Variants in VWA8 observed in about 807,000 individuals in gnomAD.
VWA8 encodes the protein von Willebrand factor A domain-containing protein 8.
A neutral mutation model predicts 241.5 loss-of-function variants in VWA8; 221 were observed. The observed-to-expected ratio is 0.91, with a 90% confidence interval of 0.82 to 1.02. The LOEUF is 1.02. Ranked by LOEUF, VWA8 falls within the 50% of genes least tolerant of loss-of-function variation. VWA8 has a pLI of 0.00. For synonymous variants in VWA8, 852 were observed against 827.1 expected (o/e 1.03, Z -0.52); for missense variants, 2,322 against 2,328.7 (o/e 1.00, Z 0.06).
intron 37 of VWA8, among the ~76,000 whole-genome samples, chr13:41,637,171 C>A (rs2044763580): frequency 6.6e-6 from 1 of 151,490 alleles, no homozygotes; most frequent in Admixed American, 6.6e-5. Flanking sequence ...CCCAAATGTC[C>A]AACAACGATA....
intron 21 of VWA8, among the ~76,000 whole-genome samples, chr13:41,755,875 G>A (rs1474984367): frequency 6.6e-6 from 1 of 151,718 alleles, no homozygotes; most frequent in Non-Finnish European, 1.5e-5. Context: ...ATACTATAAA[G>A]ATTGAAAATC....
chr13:41,674,607 AG>A (rs2045047310), intron 36 of VWA8, among the ~76,000 whole-genome samples: 1 of 152,222 alleles, frequency 6.6e-6, no homozygotes, highest in South Asian at 2.1e-4. Context: ...GACGGGCTCC[AG>A]GTGATGATGC....
chr13:41,648,468 T>A (rs1323086178), intron 37 of VWA8, among the ~76,000 whole-genome samples: 1 of 152,196 alleles, frequency 6.6e-6, no homozygotes, highest in Non-Finnish European at 1.5e-5. Context: ...ACTCAAAGGA[T>A]GAGGAAGTAT....
Position 41,773,910 on chromosome 13 carries a change from A to T in VWA8, c.2349+4075T>A, listed in dbSNP as rs77772539. ...CCAGTCTCTGATCCTGTCATTATAG[A>T]ACTATATCCAGTTGAATGGGCTACT... On this transcript the variant is annotated intron_variant, in intron 20 of 44. Coordinates refer to ENST00000379310, the MANE Select transcript of VWA8 (RefSeq NM_015058.2). Among the ~76,000 whole-genome samples, 239 of 152,260 alleles carry T rather than the reference A, an allele frequency of 1.6e-3. 1 individual carries two copies. The highest frequency in any genetic ancestry group is 5.4e-3 in the African/African-American group (224 of 41,540).
intron 19 of VWA8, among the ~76,000 whole-genome samples, chr13:41,779,890 C>T (rs1257335050): frequency 6.6e-6 from 1 of 152,174 alleles, no homozygotes; most frequent in African/African-American, 2.4e-5. Context: ...TTCAAGTCAA[C>T]AAACCTTAGC....
intron 12 of VWA8, chr13:41,864,668 A>G (rs568907830): frequency 3.8e-5 from 16 of 420,974 alleles, no homozygotes; most frequent in Non-Finnish European, 7.0e-5. Flanking sequence ...CCAGGGTCTG[A>G]GAGGGAAAGA....
intron 42 of VWA8, among the ~76,000 whole-genome samples, chr13:41,583,513 C>T (rs1345784191): frequency 1.3e-5 from 2 of 151,886 alleles, no homozygotes; most frequent in Non-Finnish European, 2.9e-5. Flanking sequence ...CGTGGTGGCA[C>T]ATGCCTGTAG....
intron 12 of VWA8, among the ~76,000 whole-genome samples, chr13:41,855,407 A>C (rs887584952): frequency 6.8e-6 from 1 of 146,898 alleles, no homozygotes; most frequent in Non-Finnish European, 1.5e-5. Flanking sequence ...TATATATATG[A>C]AGTAGAAGAA....
intron 40 of VWA8, among the ~76,000 whole-genome samples, chr13:41,599,253 G>A (rs2044506969): frequency 6.6e-6 from 1 of 152,030 alleles, no homozygotes; most frequent in South Asian, 2.1e-4. Context: ...TACTTTTCAT[G>A]TAGATTTGAG....
chr13:41,847,205 C>A (rs1872327575), intron 12 of VWA8, among the ~76,000 whole-genome samples: 1 of 150,948 alleles, frequency 6.6e-6, no homozygotes, highest in African/African-American at 2.4e-5. Flanking sequence ...TGGGAATGAA[C>A]AAAAATAGAT....
rs79494294 is a variant in VWA8 at position 41,722,765 on chromosome 13, T to C, written c.2759-1190A>G. 2.0e-3 allele frequency among the ~76,000 whole-genome samples: 307 copies of C among 152,156 alleles called. 13 individuals carry two copies. The East Asian group carries it at 0.054, about 27-fold the overall frequency. The stretch of plus-strand genomic sequence containing the variant: ...AATGTTGATACCTGGGGGAAGAGCA[T>C]TCCAGGCAGCTGGTACAGCTAATCC... On this transcript the variant is annotated intron_variant, in intron 24 of 44. Transcript: ENST00000379310.
chr13:41,847,776 G>A (rs1872353722), intron 12 of VWA8, among the ~76,000 whole-genome samples: 1 of 152,056 alleles, frequency 6.6e-6, no homozygotes, highest in Non-Finnish European at 1.5e-5. Flanking sequence ...ATGATGGGAG[G>A]CCATTGACAG....
chr13:41,644,791 G>T (rs1247984533), intron 37 of VWA8, among the ~76,000 whole-genome samples: 3 of 152,214 alleles, frequency 2.0e-5, no homozygotes, highest in Non-Finnish European at 4.4e-5. Context: ...TTTACTATAA[G>T]GAGTGTTTTG....
intron 21 of VWA8, among the ~76,000 whole-genome samples, chr13:41,742,982 T>G (rs1376956769): frequency 1.3e-5 from 2 of 152,194 alleles, no homozygotes; most frequent in Non-Finnish European, 2.9e-5. Flanking sequence ...TTGATTTTCA[T>G]TTTGAAGATA....
chr13:41,685,214 C>T lies in VWA8; in HGVS notation c.4160G>A (p.Arg1387Lys), dbSNP rs768713345. 3 of 1,612,858 alleles carry T rather than the reference C, an allele frequency of 1.9e-6. No homozygotes were observed. In the South Asian group the frequency reaches 3.3e-5, roughly 18 times the overall value. ...MSPSEVYSWKRPSSLHKRSGT... is the reference protein window; with the variant it reads ...MSPSEVYSWKKPSSLHKRSGT... ...ACTTCGTTTATGCAAAGATGATGGTCTCTTCCAAGAATAAACTTCACTGGG... is the reference window on the plus strand; with the variant it reads ...ACTTCGTTTATGCAAAGATGATGGTTTCTTCCAAGAATAAACTTCACTGGG... Residue 1387 changes from arginine (R) to lysine (K), a missense_variant, in exon 35 of 45, where the codon AGA becomes AAA. Physicochemically the swap from Arg to Lys is conservative, Grantham distance 26. Transcript: ENST00000379310.
intron 12 of VWA8, among the ~76,000 whole-genome samples, chr13:41,844,289 A>C (rs1234657668): frequency 6.6e-6 from 1 of 152,150 alleles, no homozygotes; most frequent in East Asian, 1.9e-4. Context: ...TCCAACATCC[A>C]TTTAAGATAA....
chr13:41,826,739 C>T (rs1871185411), intron 14 of VWA8, among the ~76,000 whole-genome samples: 1 of 151,788 alleles, frequency 6.6e-6, no homozygotes. Flanking sequence ...ACGGGTGTGG[C>T]GATGCGCAAC....
At chr13:41,854,069 A>C (rs1430467864) in intron 12 of VWA8, among the ~76,000 whole-genome samples, 1 of 152,096 alleles carries the variant, frequency 6.6e-6, no homozygotes, top group Non-Finnish European at 1.5e-5. Context: ...TTGTGTACAT[A>C]TATGTGCACT....
At chr13:41,795,867 G>A (rs959819922) in intron 17 of VWA8, among the ~76,000 whole-genome samples, 3 of 152,056 alleles carry the variant, frequency 2.0e-5, no homozygotes, top group African/African-American at 7.2e-5. Context: ...TAGGTGATGG[G>A]TTGATCTGTG....
Sources: allele counts gnomAD v4.1 joint callset (sites outside exome capture counted in the v4.1 genomes callset), GRCh38; gene constraint gnomAD v4.1.1; transcripts MANE v1.5; gene names NCBI Gene and HGNC (gene_info 2026-07-23, HGNC 2026-07-21).